KIAA1217: variants seen among roughly 807,000 people sequenced by gnomAD.
The protein encoded by KIAA1217 is sickle tail protein homolog.
KIAA1217 carries 88 observed loss-of-function variants against 163.9 expected under a neutral mutation model. That is an observed-to-expected ratio of 0.54 (90% CI 0.45 to 0.64). The LOEUF is 0.64. Among genes scored for constraint, KIAA1217 ranks in the 30% least tolerant of loss-of-function variants. KIAA1217 has a pLI of 0.00. For synonymous variants in KIAA1217, 903 were observed against 923.1 expected (o/e 0.98, Z 0.39); for missense variants, 2,372 against 2,475.0 (o/e 0.96, Z 0.88).
At chr10:24,359,816 A>C (rs1051766790) in intron 2 of KIAA1217, among the ~76,000 whole-genome samples, 5 of 152,148 alleles carry the variant, frequency 3.3e-5, no homozygotes, top group East Asian at 3.9e-4. Context: ...TTGAGGCTTT[A>C]TATTTTATTA....
chr10:24,531,652 A>G (rs1470639854), intron 14 of KIAA1217, among the ~76,000 whole-genome samples, 178 bp from the exon 15 acceptor site: 1 of 152,164 alleles, frequency 6.6e-6, no homozygotes, highest in Non-Finnish European at 1.5e-5. Flanking sequence ...TAACTTGTGC[A>G]GGGTCTTTTT....
At chr10:23,859,892 C>G (rs1278591458) in intron 1 of KIAA1217, among the ~76,000 whole-genome samples, 1 of 151,576 alleles carries the variant, frequency 6.6e-6, no homozygotes, top group East Asian at 1.9e-4. Flanking sequence ...AACAATTACT[C>G]AGAGTCACAG....
chr10:23,888,238 G>T (rs1841266962), intron 1 of KIAA1217, among the ~76,000 whole-genome samples: 1 of 151,716 alleles, frequency 6.6e-6, no homozygotes, highest in African/African-American at 2.4e-5. Context: ...TTAAACCTTG[G>T]GACTAGATTT....
In KIAA1217 at chr10:23,780,331, TA is replaced by T. The variant is rs386741901; in HGVS notation, c.-321+85099del. Among the ~76,000 whole-genome samples, 1,122 of 152,274 alleles carry T rather than the reference TA, an allele frequency of 7.4e-3. 19 individuals are homozygous for T. The highest frequency in any genetic ancestry group is 0.025 in the African/African-American group (1,036 of 41,538). On this transcript the variant is annotated intron_variant, in intron 1 of 18. Transcript: ENST00000376462. ...TTTCCAGTATGCATGACAATATTAT[TA>T]ACTACAGGCTTCATACTGTACATGA...
At chr10:24,113,680 A>G (rs1221835645) in intron 2 of KIAA1217, among the ~76,000 whole-genome samples, 3 of 152,200 alleles carry the variant, frequency 2.0e-5, no homozygotes, top group Non-Finnish European at 4.4e-5. Flanking sequence ...AAGACCGGGA[A>G]GACGAGGACC....
intron 1 of KIAA1217, among the ~76,000 whole-genome samples, chr10:23,816,676 T>C (rs1287961248): frequency 6.6e-6 from 1 of 152,068 alleles, no homozygotes; most frequent in East Asian, 1.9e-4. Context: ...GAGTGAAGAG[T>C]GATGGTGTGA....
intron 2 of KIAA1217, among the ~76,000 whole-genome samples, chr10:24,193,669 G>A (rs777799606): frequency 2.6e-5 from 4 of 152,138 alleles, no homozygotes; most frequent in Non-Finnish European, 5.9e-5. Context: ...GCAGAACTGC[G>A]CTAATCCAGA....
chr10:23,958,599 C>T (rs1173916488), intron 1 of KIAA1217, among the ~76,000 whole-genome samples: 4 of 151,978 alleles, frequency 2.6e-5, no homozygotes, highest in Non-Finnish European at 4.4e-5. Flanking sequence ...GTGACTTTTC[C>T]CCTGTGAACA....
chr10:24,001,006 G>A (rs1176416714), intron 1 of KIAA1217, among the ~76,000 whole-genome samples: 3 of 152,082 alleles, frequency 2.0e-5, no homozygotes, highest in Non-Finnish European at 4.4e-5. Flanking sequence ...ATTGAGGTTT[G>A]ATTTTGTTGA....
At chr10:24,460,625 C>T (rs1214318663) in intron 5 of KIAA1217, among the ~76,000 whole-genome samples, 2 of 152,138 alleles carry the variant, frequency 1.3e-5, no homozygotes, top group Admixed American at 1.3e-4. Flanking sequence ...AATGGCACAA[C>T]TAAAACACCT....
intron 2 of KIAA1217, among the ~76,000 whole-genome samples, chr10:24,115,277 T>A (rs919505248): frequency 3.9e-5 from 6 of 152,204 alleles, no homozygotes; most frequent in Admixed American, 6.5e-5. Flanking sequence ...GTACATTTTT[T>A]AAAAATAGCT....
At chr10:24,506,364 T>C (rs1002358325) in intron 9 of KIAA1217, among the ~76,000 whole-genome samples, 10 of 152,228 alleles carry the variant, frequency 6.6e-5, no homozygotes, top group African/African-American at 2.4e-4. Context: ...GAAATCAAAA[T>C]TGAGTATGTG....
At chr10:23,777,942 TTTTTTC>T (rs1007722139) in intron 1 of KIAA1217, among the ~76,000 whole-genome samples, 1 of 152,066 alleles carries the variant, frequency 6.6e-6, no homozygotes, top group African/African-American at 2.4e-5. Context: ...AATTTTTTCT[TTTTTTC>T]TTTTTCTTTT....
intron 1 of KIAA1217, among the ~76,000 whole-genome samples, chr10:23,783,557 A>G (rs1835355911): frequency 6.6e-6 from 1 of 152,114 alleles, no homozygotes; most frequent in South Asian, 2.1e-4. Context: ...TAGTTTTGTT[A>G]TCAGACAATG....
At chr10:23,708,393 C>G (rs1369904886) in intron 1 of KIAA1217, among the ~76,000 whole-genome samples, 2 of 152,112 alleles carry the variant, frequency 1.3e-5, no homozygotes, top group Admixed American at 6.5e-5. Context: ...TGGTCCAATC[C>G]CCTAATTTTA....
intron 2 of KIAA1217, among the ~76,000 whole-genome samples, chr10:24,254,350 A>C (rs1400662849): frequency 6.6e-6 from 1 of 152,256 alleles, no homozygotes; most frequent in Non-Finnish European, 1.5e-5. Flanking sequence ...GATATGGGAT[A>C]TGAGTTGGTC....
At position 24,381,020 on chromosome 10, in the gene KIAA1217, G is replaced by A. The variant is rs1261477151; in HGVS notation, c.506G>A (p.Ser169Asn). Residue 169 changes from serine to asparagine, a missense_variant, in exon 3 of 21, where the codon AGC becomes AAC. By Grantham distance (46) the Ser-to-Asn change is conservative. Coordinates refer to ENST00000376454, the MANE Select transcript of KIAA1217 (RefSeq NM_019590.5). ...PFSRGSRTRA[S>N]LPVVRSTNQT... is the part of the protein sequence containing the mutation. Reference sequence around the variant, plus strand: ...TCCAGAGGCAGCCGGACTCGTGCGAGCCTTCCTGTGGTGAGGTCAACCAAC... The same window carrying A: ...TCCAGAGGCAGCCGGACTCGTGCGAACCTTCCTGTGGTGAGGTCAACCAAC... The A allele has an allele frequency of 6.2e-7, 1 of 1,606,424 alleles. No homozygotes were observed. Among genetic ancestry groups the A allele is most frequent in the Non-Finnish European group, 8.5e-7 (1 of 1,175,736 alleles).
intron 2 of KIAA1217, among the ~76,000 whole-genome samples, chr10:24,148,234 A>C (rs560728899): frequency 1.3e-5 from 2 of 152,282 alleles, no homozygotes; most frequent in Non-Finnish European, 2.9e-5. Context: ...TTTCTTGCAC[A>C]AATCGAACCG....
intron 1 of KIAA1217, among the ~76,000 whole-genome samples, chr10:23,739,245 G>A (rs9731319): frequency 0.23 from 34,826 of 151,964 alleles, 4,321 homozygotes; most frequent in African/African-American, 0.32. Context: ...TTGGAGACTC[G>A]AAAGGGGCAG....
Sources: gnomAD v4.1 joint callset for allele counts (sites outside exome capture counted in the v4.1 genomes callset) on GRCh38, gnomAD v4.1.1 for gene constraint, MANE v1.5 for transcripts, NCBI Gene and HGNC (gene_info 2026-07-23, HGNC 2026-07-21) for gene names.